ELK3: variants seen among roughly 807,000 people sequenced by gnomAD.
The protein encoded by ELK3 is ETS domain-containing protein Elk-3.
Under a neutral mutation model 28.9 loss-of-function variants are expected in ELK3, and 10 were observed. The observed-to-expected ratio is 0.35, with a 90% CI of 0.21 to 0.59. ELK3 has a LOEUF of 0.59. Ranked by LOEUF, ELK3 falls within the 20% of genes least tolerant of loss-of-function variation. The probability of loss-of-function intolerance (pLI) is 0.82; values close to 1 mark genes in which losing one functional copy is unlikely to be tolerated. For synonymous variants in ELK3, 272 were observed against 243.5 expected (o/e 1.12, Z -1.09); for missense variants, 463 against 517.3 (o/e 0.90, Z 1.02).
Position 96,247,464 on chromosome 12 carries a change from G to C in ELK3, c.732G>C (p.Pro244=). ...SSASPFSSRS[P]SLSPNSPLPS... is the part of the protein sequence containing the mutation. Reference sequence around the variant, plus strand: ...CCTCACCCTTCTCATCTCGGTCCCCGTCCCTGTCCCCCAACTCACCCCTCC... The same window carrying C: ...CCTCACCCTTCTCATCTCGGTCCCCCTCCCTGTCCCCCAACTCACCCCTCC... Residue 244 remains proline (P), a synonymous_variant, in exon 3 of 5, where the codon CCG becomes CCC. Coordinates refer to ENST00000228741, the MANE Select transcript of ELK3 (RefSeq NM_005230.4). This position sits in a 1 kb window ranked among gnomAD's most constrained non-coding sequence, Gnocchi z 5.5. 6.2e-7 allele frequency: 1 copy of C among 1,613,782 alleles called. No individual in the cohort carries two copies.
At chr12:96,236,704 G>A (rs552795622) in intron 2 of ELK3, among the ~76,000 whole-genome samples, 8 of 152,322 alleles carry the variant, frequency 5.3e-5, no homozygotes, top group African/African-American at 1.9e-4. Flanking sequence ...CCCAGTGGCG[G>A]CCCCAGGCTG....
In ELK3 at chr12:96,269,253, CTG is replaced by C. The variant is rs893450462; in HGVS notation, c.*2077_*2078del. The C allele has an allele frequency of 2.8e-4, 42 of 152,336 alleles. No individual in the cohort carries two copies. The highest frequency in any genetic ancestry group is 8.9e-4 in the African/African-American group (37 of 41,578). The allele number at this position is 152,336 out of a possible 1,614,324, so 9.4% of individuals were successfully genotyped here. On this transcript the variant is annotated 3_prime_UTR_variant, in exon 5 of 5. Transcript: ENST00000228741. ...AAACAGATAAAGACAGCATTTAAAA[CTG>C]TGTTGTCAGATAAGAGAACACATCC...
chr12:96,211,881 G>A (rs1286081226), intron 1 of ELK3, among the ~76,000 whole-genome samples: 1 of 152,126 alleles, frequency 6.6e-6, no homozygotes, highest in Admixed American at 6.6e-5. Context: ...AATTTTCATT[G>A]TGGATTTATT....
intron 1 of ELK3, among the ~76,000 whole-genome samples, chr12:96,210,597 A>ACCCCCCCCCC (rs1555193042): frequency 8.1e-5 from 12 of 148,948 alleles, no homozygotes; most frequent in Non-Finnish European, 1.3e-4. Context: ...ACACACACAC[A>ACCCCCCCCCC]CCCCGAGTGG....
chr12:96,211,338 A>G (rs1282609195), intron 1 of ELK3, among the ~76,000 whole-genome samples: 6 of 152,202 alleles, frequency 3.9e-5, no homozygotes, highest in African/African-American at 1.2e-4. Flanking sequence ...TTTGAAATTT[A>G]TAAGTTATTT....
At chr12:96,242,456 G>C (rs903206546) in intron 2 of ELK3, among the ~76,000 whole-genome samples, 2 of 152,246 alleles carry the variant, frequency 1.3e-5, no homozygotes, top group African/African-American at 4.8e-5. Context: ...TACGTGCTCA[G>C]CACATACTAG....
At chr12:96,195,714 CTAAT>C (rs1339046457) in intron 1 of ELK3, among the ~76,000 whole-genome samples, 4 of 152,146 alleles carry the variant, frequency 2.6e-5, no homozygotes, top group Admixed American at 6.5e-5. Flanking sequence ...AACGGCAAGA[CTAAT>C]TGCCATGCGC....
At chr12:96,215,618 G>A (rs1210932105) in intron 1 of ELK3, among the ~76,000 whole-genome samples, 2 of 150,028 alleles carry the variant, frequency 1.3e-5, no homozygotes, top group Non-Finnish European at 3.0e-5. Context: ...GACTAAAGAG[G>A]GACATAAAAC....
At chr12:96,202,366 G>A (rs953529468) in intron 1 of ELK3, among the ~76,000 whole-genome samples, 5 of 151,844 alleles carry the variant, frequency 3.3e-5, no homozygotes, top group East Asian at 1.9e-4. Flanking sequence ...TTTTCCCCCC[G>A]ACCCCTCTAT....
intron 2 of ELK3, among the ~76,000 whole-genome samples, chr12:96,245,733 C>T (rs1344610213): frequency 6.6e-6 from 1 of 152,124 alleles, no homozygotes. Context: ...CACACGCAAG[C>T]ATTTGGTAGG....
intron 1 of ELK3, among the ~76,000 whole-genome samples, chr12:96,203,757 A>G (rs1951521615): frequency 6.6e-6 from 1 of 152,216 alleles, no homozygotes; most frequent in Non-Finnish European, 1.5e-5. Context: ...CCTGGCCAAC[A>G]TGGTGAAACC....
At chr12:96,260,483 A>G (rs1467884785) in intron 4 of ELK3, among the ~76,000 whole-genome samples, 1 of 152,202 alleles carries the variant, frequency 6.6e-6, no homozygotes, top group Non-Finnish European at 1.5e-5. Flanking sequence ...TGTAATGAAA[A>G]AGGAGAATCC....
At chr12:96,214,198 A>G (rs1951594855) in intron 1 of ELK3, among the ~76,000 whole-genome samples, 1 of 152,118 alleles carries the variant, frequency 6.6e-6, no homozygotes, top group South Asian at 2.1e-4. Flanking sequence ...TGGGAGGCCG[A>G]GGTGGGTGGA....
At chr12:96,210,494 T>C (rs1306373093) in intron 1 of ELK3, among the ~76,000 whole-genome samples, 1 of 151,970 alleles carries the variant, frequency 6.6e-6, no homozygotes, top group East Asian at 1.9e-4. Context: ...GGGGCCCCTC[T>C]TGGGCTAGGC....
chr12:96,246,398 C>G (rs1325571685), intron 2 of ELK3, among the ~76,000 whole-genome samples: 1 of 152,176 alleles, frequency 6.6e-6, no homozygotes, highest in Admixed American at 6.5e-5. Flanking sequence ...TATGTTATTA[C>G]ATAGAATAAT....
At chr12:96,195,650 GC>G (rs1177709830) in intron 1 of ELK3, among the ~76,000 whole-genome samples, 1 of 152,152 alleles carries the variant, frequency 6.6e-6, no homozygotes, top group African/African-American at 2.4e-5. Context: ...TGCAAAAGGG[GC>G]TTTTTAGAAA....
chr12:96,228,593 T>C (rs1309885584), intron 2 of ELK3, among the ~76,000 whole-genome samples: 3 of 152,180 alleles, frequency 2.0e-5, no homozygotes, highest in African/African-American at 4.8e-5. Flanking sequence ...GACAACAGTT[T>C]CTTTCCTCAG....
intron 1 of ELK3, among the ~76,000 whole-genome samples, chr12:96,197,571 G>A (rs1201254228): frequency 6.6e-6 from 1 of 152,090 alleles, no homozygotes; most frequent in East Asian, 1.9e-4. Flanking sequence ...CAATAATAGA[G>A]TGACATACGG....
chr12:96,197,135 A>G (rs1012158711), intron 1 of ELK3, among the ~76,000 whole-genome samples: 1 of 152,140 alleles, frequency 6.6e-6, no homozygotes, highest in Admixed American at 6.5e-5. Context: ...TCCAGAGTAC[A>G]TTTCCTTTAA....
Sources: gnomAD v4.1 joint callset for allele counts (sites outside exome capture counted in the v4.1 genomes callset) on GRCh38, gnomAD v4.1.1 for gene constraint, Gnocchi (gnomAD v3.1) non-coding constraint, MANE v1.5 for transcripts, NCBI Gene and HGNC (gene_info 2026-07-23, HGNC 2026-07-21) for gene names.